The following MCTP1 variants were observed in gnomAD, a reference collection of about 807,000 sequenced individuals.
MCTP1 encodes the protein multiple C2 and transmembrane domain containing 1.
MCTP1 carries 69 observed loss-of-function variants against 120.6 expected under a neutral mutation model. The ratio of observed to expected loss-of-function variants is 0.57; its 90% CI spans 0.47 to 0.70. MCTP1 has a LOEUF of 0.70. Among genes scored for constraint, MCTP1 ranks in the 30% least tolerant of loss-of-function variants. MCTP1 has a pLI of 0.00. For missense variants in MCTP1, 1,203 were observed against 1,248.8 expected, an observed-to-expected ratio of 0.96 and a Z score of 0.55; for synonymous variants, 529 against 493.1, an observed-to-expected ratio of 1.07 and a Z score of -0.96.
At chr5:94,912,586 G>C (rs1809013434) in intron 9 of MCTP1, among the ~76,000 whole-genome samples, 1 of 151,800 alleles carries the variant, frequency 6.6e-6, no homozygotes, top group Non-Finnish European at 1.5e-5. Context: ...CTATGTTGTA[G>C]ATGAAGAAAT....
chr5:95,229,172 G>A (rs1313600374), intron 1 of MCTP1, among the ~76,000 whole-genome samples: 1 of 152,118 alleles, frequency 6.6e-6, no homozygotes, highest in Non-Finnish European at 1.5e-5. Context: ...ATATTTACAA[G>A]GATACAATTT....
intron 1 of MCTP1, among the ~76,000 whole-genome samples, chr5:95,152,118 G>C (rs1298452330): frequency 6.6e-6 from 1 of 152,128 alleles, no homozygotes; most frequent in East Asian, 1.9e-4. Flanking sequence ...AGTCAAAATA[G>C]TAACTTTAAG....
intron 1 of MCTP1, among the ~76,000 whole-genome samples, chr5:95,069,688 G>A (rs114759377): frequency 0.015 from 2,059 of 140,698 alleles, 52 homozygotes; most frequent in African/African-American, 0.051. Context: ...AAAAACAAAT[G>A]ACCCTTCTGC....
intron 14 of MCTP1, 110 bp from the exon 15 acceptor site, chr5:94,871,083 T>C (rs1320200164): frequency 1.1e-5 from 10 of 885,586 alleles, no homozygotes; most frequent in Non-Finnish European, 3.7e-6. Flanking sequence ...CCAAAACAAC[T>C]GTGGCAATTC....
intron 1 of MCTP1, chr5:95,081,500 C>A (rs1166535743): frequency 1.2e-6 from 2 of 1,605,874 alleles, no homozygotes; most frequent in Non-Finnish European, 1.7e-6. Context: ...TAGAAATGAA[C>A]AAAACATCTT....
chr5:95,059,953 A>C (rs555026184), intron 1 of MCTP1, among the ~76,000 whole-genome samples: 34 of 152,320 alleles, frequency 2.2e-4, no homozygotes, highest in Middle Eastern at 6.8e-3. Flanking sequence ...AAACCCAATA[A>C]GAAGCAAGAA....
At chr5:95,204,338 T>C (rs1243293952) in intron 1 of MCTP1, among the ~76,000 whole-genome samples, 2 of 151,890 alleles carry the variant, frequency 1.3e-5, no homozygotes, top group Non-Finnish European at 2.9e-5. Context: ...CAAAGAAGCA[T>C]CCAACAAATT....
intron 1 of MCTP1, among the ~76,000 whole-genome samples, chr5:95,110,089 A>G (rs959878556): frequency 2.0e-5 from 3 of 152,190 alleles, no homozygotes; most frequent in African/African-American, 7.2e-5. Context: ...CCAAAACAAC[A>G]CAGCCTTGCA....
chr5:95,088,606 T>C (rs1260173882), intron 1 of MCTP1, among the ~76,000 whole-genome samples: 3 of 152,090 alleles, frequency 2.0e-5, no homozygotes, highest in Non-Finnish European at 4.4e-5. Flanking sequence ...AGTAGCGGAG[T>C]TGGGATTAGA....
chr5:94,894,809 C>A lies in MCTP1; in HGVS notation c.1679G>T (p.Ser560Ile). ...CTCCAGCTTGTGCGTCTGTTCCCTA[C>A]TGAGGGCTGACAGGTCGACCTGGCA... is the stretch of plus-strand genomic sequence containing the variant. ...GRCQVDLSAL[S>I]REQTHKLELQ... The change falls in exon 11 of 23, where the codon AGT (serine) becomes ATT (isoleucine). Residue 560 changes from serine (S) to isoleucine (I), a missense_variant. Coordinates refer to ENST00000515393, the MANE Select transcript of MCTP1 (RefSeq NM_024717.7). 1.9e-6 allele frequency: 3 copies of A among 1,602,296 alleles called. No individual in the cohort carries two copies. Among genetic ancestry groups the A allele is most frequent in the Non-Finnish European group, 2.6e-6 (3 of 1,171,922 alleles).
At chr5:95,203,537 T>C (rs1751299163) in intron 1 of MCTP1, among the ~76,000 whole-genome samples, 1 of 152,242 alleles carries the variant, frequency 6.6e-6, no homozygotes, top group Non-Finnish European at 1.5e-5. Context: ...TTTTAACTTC[T>C]CTAATAAATT....
chr5:94,982,398 C>G (rs72777354), intron 2 of MCTP1, among the ~76,000 whole-genome samples: 5,310 of 152,118 alleles, frequency 0.035, 151 homozygotes, highest in East Asian at 0.09. Flanking sequence ...TATGGTGTAT[C>G]GAGCACATAA....
intron 1 of MCTP1, among the ~76,000 whole-genome samples, chr5:95,200,160 C>CA (rs61616371): frequency 0.2 from 23,838 of 121,974 alleles, 1,906 homozygotes; most frequent in Middle Eastern, 0.26. Context: ...GACACTATCT[C>CA]AAAAAAAAAA....
At chr5:94,824,104 G>T (rs929960670) in intron 17 of MCTP1, among the ~76,000 whole-genome samples, 3 of 152,202 alleles carry the variant, frequency 2.0e-5, no homozygotes, top group Admixed American at 6.5e-5. Flanking sequence ...GGTGAGAGAG[G>T]GCATCCTTGT....
chr5:94,978,848 T>A (rs1828735398), intron 2 of MCTP1: 1 of 67,776 alleles, frequency 1.5e-5, no homozygotes, highest in African/African-American at 6.0e-5. Context: ...GATCTCATGT[T>A]AAGTGTTCTT....
At chr5:94,741,348 A>C (rs1765494536) in intron 19 of MCTP1, among the ~76,000 whole-genome samples, 1 of 152,346 alleles carries the variant, frequency 6.6e-6, no homozygotes, top group East Asian at 1.9e-4. Context: ...TCGTTTATTC[A>C]TTTCAAGCTG....
At chr5:94,751,257 G>A (rs745542655) in intron 19 of MCTP1, among the ~76,000 whole-genome samples, 3 of 152,002 alleles carry the variant, frequency 2.0e-5, no homozygotes, top group African/African-American at 4.8e-5. Flanking sequence ...TAAACAGAAA[G>A]AAACTGAAAT....
At chr5:95,156,351 G>T (rs1745129847) in intron 1 of MCTP1, among the ~76,000 whole-genome samples, 1 of 152,156 alleles carries the variant, frequency 6.6e-6, no homozygotes, top group African/African-American at 2.4e-5. Flanking sequence ...ACATCTCTTA[G>T]GCACATGATC....
rs570541397 is a variant in MCTP1, at chr5:94,839,051, G to C, written c.2436+29282C>G. ...AAGCCAGAATATTGTGAATATCTAC[G>C]CTTTTTTGCTCATTAATCAACCAAC... On this transcript the variant is annotated intron_variant, in intron 17 of 22. Transcript: ENST00000515393. Among the ~76,000 whole-genome samples the C allele has an allele frequency of 2.0e-5, 3 of 152,202 alleles. No homozygotes were observed. The South Asian group carries it at 6.2e-4, about 32-fold the overall frequency.
Sources: allele counts gnomAD v4.1 joint callset (sites outside exome capture counted in the v4.1 genomes callset), GRCh38; gene constraint gnomAD v4.1.1; transcripts MANE v1.5; gene names NCBI Gene and HGNC (gene_info 2026-07-23, HGNC 2026-07-21).